Variants in GRAP2 observed in about 807,000 individuals in gnomAD.
GRAP2 encodes GRB2-related adapter protein 2.
A neutral mutation model predicts 43.5 loss-of-function variants in GRAP2; 31 were observed. That is an observed-to-expected ratio of 0.71 (90% CI 0.54 to 0.96). GRAP2 has a LOEUF of 0.96. GRAP2 is among the 40% of genes least tolerant of loss of function. The pLI is 0.00. For synonymous variants in GRAP2, 156 were observed against 164.8 expected, an observed-to-expected ratio of 0.95 and a Z score of 0.41; for missense variants, 371 against 424.4, an observed-to-expected ratio of 0.87 and a Z score of 1.11.
chr22:39,937,435 C>A (rs2066817647), intron 1 of GRAP2, among the ~76,000 whole-genome samples: 1 of 152,172 alleles, frequency 6.6e-6, no homozygotes, highest in Non-Finnish European at 1.5e-5. Flanking sequence ...GATAACACTG[C>A]AGCTAGGACT....
intron 1 of GRAP2, among the ~76,000 whole-genome samples, chr22:39,914,753 C>T (rs977444972): frequency 2.6e-5 from 4 of 152,098 alleles, no homozygotes; most frequent in African/African-American, 9.7e-5. Flanking sequence ...CTTTCGTACT[C>T]GATCTGAAAA....
chr22:39,913,367 G>C (rs2066580939), intron 1 of GRAP2, among the ~76,000 whole-genome samples: 1 of 152,106 alleles, frequency 6.6e-6, no homozygotes, highest in Admixed American at 6.5e-5. Flanking sequence ...AACAAGAAAG[G>C]ATTTCAAGTA....
intron 2 of GRAP2, among the ~76,000 whole-genome samples, chr22:39,949,076 TC>T (rs1217755372): frequency 3.9e-5 from 6 of 151,998 alleles, no homozygotes; most frequent in Non-Finnish European, 7.4e-5. Flanking sequence ...GACCCAGACT[TC>T]CAATTGTCTG....
upstream of GRAP2, among the ~76,000 whole-genome samples, chr22:39,899,997 A>G (rs1162000615): frequency 6.6e-6 from 1 of 152,088 alleles, no homozygotes; most frequent in African/African-American, 2.4e-5. Flanking sequence ...AAAAAAAAAA[A>G]GGAGTTATGG....
At chr22:39,941,204 C>T (rs1043762041) in intron 1 of GRAP2, among the ~76,000 whole-genome samples, 9 of 152,306 alleles carry the variant, frequency 5.9e-5, no homozygotes, top group South Asian at 2.1e-4. Context: ...CTGCTAAGCC[C>T]GGGCTAGGCA....
intron 1 of GRAP2, among the ~76,000 whole-genome samples, chr22:39,923,915 G>A (rs150631647): frequency 6.6e-6 from 1 of 152,128 alleles, no homozygotes; most frequent in Non-Finnish European, 1.5e-5. Flanking sequence ...GGATCAGTAG[G>A]GAAATGGTGA....
chr22:39,904,405 A>G (rs1229632789), intron 1 of GRAP2, among the ~76,000 whole-genome samples: 1 of 152,228 alleles, frequency 6.6e-6, no homozygotes, highest in African/African-American at 2.4e-5. Flanking sequence ...GGAAAAAAGA[A>G]AAGAAAAGAA....
chr22:39,921,419 T>A (rs189907982), intron 1 of GRAP2, among the ~76,000 whole-genome samples: 4 of 152,360 alleles, frequency 2.6e-5, no homozygotes, highest in African/African-American at 9.6e-5. Flanking sequence ...GAATGTGAGT[T>A]ATCTGTAATA....
chr22:39,932,640 C>T (rs1264132753), intron 1 of GRAP2, among the ~76,000 whole-genome samples: 1 of 150,358 alleles, frequency 6.7e-6, no homozygotes, highest in African/African-American at 2.5e-5. Context: ...ATCACTTGAA[C>T]CTGGGAGTTG....
intron 1 of GRAP2, chr22:39,926,542 A>G (rs1354796428): frequency 8.7e-6 from 8 of 915,036 alleles, no homozygotes; most frequent in African/African-American, 3.6e-5. Flanking sequence ...AACCTTGAGC[A>G]TAAGGAAGTG....
At chr22:39,966,265 C>A in intron 5 of GRAP2, 107 bp downstream of exon 5, 1 of 820,694 alleles carries the variant, frequency 1.2e-6, no homozygotes, top group African/African-American at 1.7e-5. Flanking sequence ...TCTGAGTATA[C>A]TGAAAGACAG....
intron 1 of GRAP2, among the ~76,000 whole-genome samples, chr22:39,920,428 A>G (rs2066639711): frequency 6.6e-6 from 1 of 152,200 alleles, no homozygotes. Flanking sequence ...CTGGTGACTC[A>G]TTCCCACCCT....
At chr22:39,967,975 AG>A in intron 5 of GRAP2, 66 bp from the exon 6 acceptor site, 2 of 1,550,070 alleles carry the variant, frequency 1.3e-6, no homozygotes, top group Non-Finnish European at 1.7e-6. Context: ...CAACTGCCCG[AG>A]GGTAGGGTAG....
At chr22:39,961,594 C>G (rs537060768) in intron 4 of GRAP2, among the ~76,000 whole-genome samples, 1 of 152,130 alleles carries the variant, frequency 6.6e-6, no homozygotes. Context: ...TCAGTCCACG[C>G]GTAGACATTA....
At chr22:39,913,525 A>G (rs1241130188) in intron 1 of GRAP2, among the ~76,000 whole-genome samples, 1 of 152,190 alleles carries the variant, frequency 6.6e-6, no homozygotes, top group African/African-American at 2.4e-5. Context: ...CAAGTGTTCA[A>G]CTAGAGTGAG....
chr22:39,943,738 T>G (rs942324738), intron 1 of GRAP2, among the ~76,000 whole-genome samples: 1 of 149,146 alleles, frequency 6.7e-6, no homozygotes, highest in African/African-American at 2.5e-5. Context: ...TTTTTTTTTT[T>G]AAGATGGAGT....
intron 1 of GRAP2, among the ~76,000 whole-genome samples, chr22:39,924,507 C>T (rs551961902): frequency 1.3e-5 from 2 of 152,292 alleles, no homozygotes; most frequent in South Asian, 4.2e-4. Flanking sequence ...TCAAGACCAC[C>T]CTGGCCAACA....
At chr22:39,936,619 G>T (rs2066809110) in intron 1 of GRAP2, among the ~76,000 whole-genome samples, 1 of 152,118 alleles carries the variant, frequency 6.6e-6, no homozygotes, top group Middle Eastern at 3.2e-3. Context: ...AGAATATATT[G>T]TGGGGAAAGT....
intron 3 of GRAP2, among the ~76,000 whole-genome samples, chr22:39,958,291 T>A (rs1417663496): frequency 6.6e-6 from 1 of 152,086 alleles, no homozygotes; most frequent in Non-Finnish European, 1.5e-5. Context: ...TTCAGTGAGG[T>A]CTTTCTCATC....
Sources: allele counts gnomAD v4.1 joint callset (sites outside exome capture counted in the v4.1 genomes callset), GRCh38; gene constraint gnomAD v4.1.1; transcripts MANE v1.5; gene names NCBI Gene and HGNC (gene_info 2026-07-23, HGNC 2026-07-21).